NR2F1-AS1: variants seen among roughly 807,000 people sequenced by gnomAD.
NR2F1-AS1 encodes the protein NR2F1 regulatory antisense RNA 1.
intron 4 of NR2F1-AS1, among the ~76,000 whole-genome samples, chr5:93,492,244 TAAG>T (rs1372401155): frequency 1.3e-5 from 2 of 152,140 alleles, no homozygotes; most frequent in Non-Finnish European, 2.9e-5. Context: ...AAAACTGATT[TAAG>T]AAGTAAAAAA....
At chr5:93,512,840 T>G (rs1446939523) in intron 4 of NR2F1-AS1, among the ~76,000 whole-genome samples, 1 of 152,160 alleles carries the variant, frequency 6.6e-6, no homozygotes, top group Non-Finnish European at 1.5e-5. Flanking sequence ...CCATATAGCT[T>G]AGGTGTGTAG....
intron 4 of NR2F1-AS1, among the ~76,000 whole-genome samples, chr5:93,540,835 G>A (rs1319886025): frequency 6.6e-6 from 1 of 152,088 alleles, no homozygotes; most frequent in East Asian, 1.9e-4. Context: ...GAGACTCTGG[G>A]GGAGAAAAAG....
intron 4 of NR2F1-AS1, among the ~76,000 whole-genome samples, chr5:93,489,325 G>T (rs1750789706): frequency 6.6e-6 from 1 of 151,656 alleles, no homozygotes; most frequent in African/African-American, 2.4e-5. Context: ...CAACATCTAG[G>T]AAAGACCCTC....
intron 4 of NR2F1-AS1, among the ~76,000 whole-genome samples, chr5:93,484,224 G>A (rs190032751): frequency 6.6e-6 from 1 of 152,142 alleles, no homozygotes; most frequent in Admixed American, 6.5e-5. Context: ...ACCCACAAAG[G>A]GAAGCCCATC....
At chr5:93,461,348 G>A (rs1750088459) in intron 4 of NR2F1-AS1, among the ~76,000 whole-genome samples, 1 of 152,244 alleles carries the variant, frequency 6.6e-6, no homozygotes, top group South Asian at 2.1e-4. Context: ...GATATGGGAG[G>A]AGGGAGAGCA....
At chr5:93,464,511 GTTTT>G (rs1329154139) in intron 4 of NR2F1-AS1, among the ~76,000 whole-genome samples, 1 of 152,106 alleles carries the variant, frequency 6.6e-6, no homozygotes, top group Non-Finnish European at 1.5e-5. Context: ...TTGATTAAGA[GTTTT>G]TTAAGTATTT....
At chr5:93,514,558 ATTAT>A (rs1006510405) in intron 4 of NR2F1-AS1, among the ~76,000 whole-genome samples, 3 of 152,092 alleles carry the variant, frequency 2.0e-5, no homozygotes, top group Non-Finnish European at 2.9e-5. Context: ...AAGCGCTGAC[ATTAT>A]TTATAAATTA....
intron 1 of NR2F1-AS1, among the ~76,000 whole-genome samples, chr5:93,566,666 G>A (rs1008793704): frequency 5.3e-5 from 8 of 151,818 alleles, no homozygotes; most frequent in Non-Finnish European, 1.0e-4. Context: ...GAACCTTTCT[G>A]GAAAACAATT....
intron 3 of NR2F1-AS1, chr5:93,553,872 T>C (rs994529730): frequency 6.6e-6 from 1 of 152,240 alleles, no homozygotes; most frequent in African/African-American, 2.4e-5. Context: ...ATCTGTAAGA[T>C]GATTATTACC....
intron 4 of NR2F1-AS1, among the ~76,000 whole-genome samples, chr5:93,439,146 G>C (rs1179796518): frequency 6.6e-6 from 1 of 152,176 alleles, no homozygotes; most frequent in Non-Finnish European, 1.5e-5. Context: ...AGCCAAGAAG[G>C]ACCATTATTA....
intron 4 of NR2F1-AS1, among the ~76,000 whole-genome samples, chr5:93,439,135 T>C (rs894979111): frequency 6.6e-6 from 1 of 152,250 alleles, no homozygotes; most frequent in Non-Finnish European, 1.5e-5. Flanking sequence ...TGACCTAACA[T>C]AGCCAAGAAG....
chr5:93,499,999 C>G (rs777398672), intron 4 of NR2F1-AS1, among the ~76,000 whole-genome samples: 7 of 152,128 alleles, frequency 4.6e-5, no homozygotes, highest in Non-Finnish European at 1.0e-4. Context: ...TGGGAGCTAG[C>G]AGAGGTTGGT....
chr5:93,566,930 T>C (rs1239555440), intron 1 of NR2F1-AS1, among the ~76,000 whole-genome samples: 1 of 152,038 alleles, frequency 6.6e-6, no homozygotes, highest in Non-Finnish European at 1.5e-5. Context: ...TCATATTACA[T>C]TAAATGCTTA....
At chr5:93,510,487 C>T (rs936761704) in intron 4 of NR2F1-AS1, among the ~76,000 whole-genome samples, 5 of 152,064 alleles carry the variant, frequency 3.3e-5, no homozygotes, top group East Asian at 1.9e-4. Context: ...AATACATGAT[C>T]GGCTAGTCAA....
At chr5:93,431,517 AT>A (rs1166651889) in intron 4 of NR2F1-AS1, among the ~76,000 whole-genome samples, 1 of 152,122 alleles carries the variant, frequency 6.6e-6, no homozygotes, top group Non-Finnish European at 1.5e-5. Flanking sequence ...AGAGAAATTT[AT>A]TTTTCCCAGA....
At chr5:93,488,984 AAACT>A (rs1238335304) in intron 4 of NR2F1-AS1, among the ~76,000 whole-genome samples, 1 of 152,182 alleles carries the variant, frequency 6.6e-6, no homozygotes, top group Non-Finnish European at 1.5e-5. Flanking sequence ...CATTCTCAGC[AAACT>A]AACACAGGAA....
intron 4 of NR2F1-AS1, among the ~76,000 whole-genome samples, chr5:93,442,062 C>T (rs1749582022): frequency 1.3e-5 from 2 of 152,168 alleles, no homozygotes; most frequent in South Asian, 4.1e-4. Context: ...ATAGAAAATG[C>T]TTGCTAGCTG....
At chr5:93,437,391 T>A (rs1749458849) in intron 4 of NR2F1-AS1, among the ~76,000 whole-genome samples, 1 of 152,206 alleles carries the variant, frequency 6.6e-6, no homozygotes, top group South Asian at 2.1e-4. Context: ...ATTATAAAAA[T>A]TAATTTCACT....
intron 4 of NR2F1-AS1, among the ~76,000 whole-genome samples, chr5:93,504,217 T>C (rs1751140321): frequency 2.6e-5 from 4 of 152,246 alleles, no homozygotes; most frequent in African/African-American, 9.7e-5. Context: ...ATCATTGTTG[T>C]ATAAGTCCAT....
Sources: allele counts gnomAD v4.1 joint callset (sites outside exome capture counted in the v4.1 genomes callset), GRCh38; gene constraint gnomAD v4.1.1; transcripts MANE v1.5; gene names NCBI Gene and HGNC (gene_info 2026-07-23, HGNC 2026-07-21).